PTPN13: variants seen among roughly 807,000 people sequenced by gnomAD.
PTPN13 encodes protein tyrosine phosphatase non-receptor type 13, also known as tyrosine-protein phosphatase non-receptor type 13.
In PTPN13, 191 loss-of-function variants were observed where a neutral mutation model predicts 284.0. The ratio of observed to expected loss-of-function variants is 0.67; its 90% CI spans 0.60 to 0.76. The LOEUF is 0.76. PTPN13 is among the 30% of genes least tolerant of loss of function. The pLI, the probability that PTPN13 is intolerant of heterozygous loss-of-function variation, is 0.00. For missense variants in PTPN13, 2,797 were observed against 2,939.9 expected, an observed-to-expected ratio of 0.95 and a Z score of 1.12; for synonymous variants, 986 against 1,022.3, an observed-to-expected ratio of 0.96 and a Z score of 0.68.
intron 2 of PTPN13, among the ~76,000 whole-genome samples, chr4:86,653,566 G>A (rs1343503652): frequency 6.7e-6 from 1 of 148,430 alleles, no homozygotes; most frequent in Non-Finnish European, 1.5e-5. Flanking sequence ...CACCTAATAT[G>A]CAACTTGAAA....
At chr4:86,758,864 G>A (rs1738326974) in intron 22 of PTPN13, 78 bp from the exon 23 acceptor site, 1 of 1,582,572 alleles carries the variant, frequency 6.3e-7, no homozygotes, top group Admixed American at 1.9e-5. Flanking sequence ...TAAAATAATT[G>A]AGAAAGAGAT....
At chr4:86,694,441 A>C (rs1730373777) in intron 6 of PTPN13, among the ~76,000 whole-genome samples, 1 of 151,668 alleles carries the variant, frequency 6.6e-6, no homozygotes, top group Admixed American at 6.6e-5. Context: ...TTAGCCGGGC[A>C]TGGTGGCAGG....
chr4:86,734,257 A>G (rs749780412), intron 12 of PTPN13, 46 bp from the exon 13 acceptor site: 90 of 1,332,984 alleles, frequency 6.8e-5, no homozygotes, highest in African/African-American at 5.1e-4. Context: ...AGAAAACACT[A>G]AAGTATTTTT....
At position 86,643,343 on chromosome 4, in the gene PTPN13, T is replaced by C. The variant is rs187977315; in HGVS notation, c.115+7972T>C. Reference sequence around the variant, plus strand: ...TTTCTTATATTCTTTGAAAGACAAATTTGGATCAGATTGTAGAGAACAGCT... The same window carrying C: ...TTTCTTATATTCTTTGAAAGACAAACTTGGATCAGATTGTAGAGAACAGCT... On this transcript the variant is annotated intron_variant, in intron 2 of 47. Transcript: ENST00000411767. Among the ~76,000 whole-genome samples the C allele has an allele frequency of 7.2e-5, 11 of 152,268 alleles. No individual in the cohort carries two copies. In the East Asian group the frequency reaches 2.1e-3, roughly 29 times the overall value.
At chr4:86,601,681 A>G (rs116832976) in intron 1 of PTPN13, among the ~76,000 whole-genome samples, 2,531 of 152,250 alleles carry the variant, frequency 0.017, 90 homozygotes, top group African/African-American at 0.058. Flanking sequence ...TTCTAACTTC[A>G]AAGGGATTTT....
intron 1 of PTPN13, among the ~76,000 whole-genome samples, chr4:86,601,934 A>G (rs548973550): frequency 6.6e-6 from 1 of 152,294 alleles, no homozygotes; most frequent in South Asian, 2.1e-4. Flanking sequence ...GTGCATAGAG[A>G]AGACACATTT....
Position 86,774,517 on chromosome 4 carries a change from G to A in PTPN13, c.5494G>A (p.Asp1832Asn). Residue 1832 changes from aspartate (D) to asparagine (N), a missense_variant, in exon 33 of 48, where the codon GAC (aspartate) becomes AAC (asparagine). Coordinates refer to ENST00000411767, the MANE Select transcript of PTPN13 (RefSeq NM_080683.3). ...AAGTGATGGAAGGCTAAAACCTGGG[G>A]ACCGGCTCATAAAGGTGAGACATTT... is the stretch of plus-strand genomic sequence containing the variant. Reference protein sequence around the residue: ...AKSDGRLKPGDRLIKVNDTDV... With the variant: ...AKSDGRLKPGNRLIKVNDTDV... 6.3e-7 allele frequency: 1 copy of A among 1,599,926 alleles called. No homozygotes were observed. Among genetic ancestry groups the A allele is most frequent in the South Asian group, 1.1e-5 (1 of 87,834 alleles).
intron 37 of PTPN13, among the ~76,000 whole-genome samples, chr4:86,782,686 T>A (rs1442934764): frequency 1.3e-5 from 2 of 152,036 alleles, no homozygotes; most frequent in Admixed American, 6.6e-5. Context: ...AAAACAGAAG[T>A]AGCAAAAAAA....
intron 2 of PTPN13, among the ~76,000 whole-genome samples, chr4:86,636,801 A>G (rs1273920630): frequency 1.3e-5 from 2 of 152,318 alleles, no homozygotes; most frequent in Admixed American, 1.3e-4. Context: ...TTCAAAAGCT[A>G]CCAGAAGGCA....
rs745925056 is a variant in PTPN13, at chr4:86,694,833, G to A, written c.634+1159G>A. ...ATCTTGGGGCTAGGTAGAAGTAAAT[G>A]TACAGATTGCTTAAATATATTCTAA... On this transcript the variant is annotated intron_variant, in intron 6 of 47. Transcript: ENST00000411767. 3.3e-5 allele frequency among the ~76,000 whole-genome samples: 5 copies of A among 152,178 alleles called. No individual in the cohort carries two copies. In the South Asian group the frequency reaches 8.3e-4, roughly 25 times the overall value.
chr4:86,705,336 A>G (rs2149026990), intron 7 of PTPN13, among the ~76,000 whole-genome samples: 1 of 151,112 alleles, frequency 6.6e-6, no homozygotes, highest in East Asian at 1.9e-4. Flanking sequence ...TCCGTCTCAA[A>G]AAAAAAAAAA....
At chr4:86,656,573 C>T (rs1013858779) in intron 2 of PTPN13, among the ~76,000 whole-genome samples, 8 of 152,254 alleles carry the variant, frequency 5.3e-5, no homozygotes, top group East Asian at 1.9e-4. Flanking sequence ...GCTGCCTGAT[C>T]GTTCCTCTGG....
intron 44 of PTPN13, among the ~76,000 whole-genome samples, chr4:86,806,612 G>C (rs1027084853): frequency 7.9e-5 from 12 of 152,004 alleles, no homozygotes; most frequent in Non-Finnish European, 1.3e-4. Flanking sequence ...AATCAGAATA[G>C]GACAAGCCAT....
intron 10 of PTPN13, among the ~76,000 whole-genome samples, chr4:86,729,927 G>A (rs549332171): frequency 6.7e-6 from 1 of 149,818 alleles, no homozygotes; most frequent in East Asian, 1.9e-4. Flanking sequence ...AAGCACTCTG[G>A]TTTTTAGAAT....
chr4:86,625,411 A>G (rs901658143), intron 1 of PTPN13, among the ~76,000 whole-genome samples: 1 of 152,016 alleles, frequency 6.6e-6, no homozygotes, highest in Non-Finnish European at 1.5e-5. Context: ...CCTTGGAATC[A>G]TTTCTAAAAT....
At chr4:86,761,171 A>ATTTAT in intron 23 of PTPN13, among the ~76,000 whole-genome samples, 1 of 85,940 alleles carries the variant, frequency 1.2e-5, no homozygotes, top group African/African-American at 4.1e-5. Flanking sequence ...TATATATATA[A>ATTTAT]ACACAACACA....
intron 42 of PTPN13, among the ~76,000 whole-genome samples, chr4:86,801,916 A>G (rs1394107811): frequency 6.6e-6 from 1 of 152,202 alleles, no homozygotes; most frequent in African/African-American, 2.4e-5. Context: ...GTGTAAAAGT[A>G]TTGAAGCAAA....
At position 86,769,880 on chromosome 4, in the gene PTPN13, A is replaced by C. The variant is rs764223645; in HGVS notation, c.4601A>C (p.Lys1534Thr). 2 of 1,613,988 alleles carry C rather than the reference A, an allele frequency of 1.2e-6. No homozygotes were observed. Among genetic ancestry groups the C allele is most frequent in the South Asian group, 2.2e-5 (2 of 91,084 alleles). The change falls in exon 29 of 48, where the codon AAA becomes ACA. Residue 1534 changes from lysine (K) to threonine (T), a missense_variant. Coordinates refer to ENST00000411767, the MANE Select transcript of PTPN13 (RefSeq NM_080683.3). ...ATTAATGCCAGCATAGTAAGGGTTA[A>C]AAAGCTCTTTCCTGGACAGCCAGCA... ...EQINASIVRV[K>T]KLFPGQPAAE...
In PTPN13 at chr4:86,701,566, A is replaced by G. The variant is rs1731164488; in HGVS notation, c.960A>G (p.Thr320=). ...DRDFSSGETA[T]YRRCHPEAVT... ...ACTTCTCTTCAGGAGAGACTGCCAC[A>G]TATCGTCGTTGTCACCCTGAGGCAG... The change falls in exon 7 of 48, where the codon ACA becomes ACG. Residue 320 remains threonine, a synonymous_variant. Coordinates refer to ENST00000411767, the MANE Select transcript of PTPN13 (RefSeq NM_080683.3). 5 of 1,613,928 alleles carry G rather than the reference A, an allele frequency of 3.1e-6. No individual in the cohort carries two copies. Among genetic ancestry groups the G allele is most frequent in the Non-Finnish European group, 4.2e-6 (5 of 1,179,838 alleles).
Sources: allele counts gnomAD v4.1 joint callset (sites outside exome capture counted in the v4.1 genomes callset), GRCh38; gene constraint gnomAD v4.1.1; transcripts MANE v1.5; gene names NCBI Gene and HGNC (gene_info 2026-07-23, HGNC 2026-07-21).